ICA1L: variants seen among roughly 807,000 people sequenced by gnomAD.
ICA1L encodes the protein islet cell autoantigen 1-like protein.
ICA1L carries 50 observed loss-of-function variants against 61.3 expected under a neutral mutation model. The observed-to-expected ratio is 0.82, with a 90% CI of 0.65 to 1.03. The LOEUF (loss-of-function observed/expected upper bound fraction) is 1.03. Among genes scored for constraint, ICA1L ranks in the 50% least tolerant of loss-of-function variants. The probability of loss-of-function intolerance (pLI) is 0.00; values close to 1 mark genes in which losing one functional copy is unlikely to be tolerated. For synonymous variants in ICA1L, 161 were observed against 191.3 expected (o/e 0.84, Z 1.31); for missense variants, 508 against 556.7 (o/e 0.91, Z 0.88).
chr2:202,801,883 G>A (rs1360842089), intron 9 of ICA1L, among the ~76,000 whole-genome samples: 1 of 152,206 alleles, frequency 6.6e-6, no homozygotes, highest in Non-Finnish European at 1.5e-5. Flanking sequence ...CTGGGAAGAA[G>A]CAGTATGAAT....
At position 202,779,920 on chromosome 2, in the gene ICA1L, T is replaced by C. The variant is rs535224535; in HGVS notation, c.1334-272A>G. The stretch of plus-strand genomic sequence containing the variant: ...TCAGCCTCCGAGAACACTAGGATTA[T>C]AGGCCTGAACCACTGCTCCTGGTTT... On this transcript the variant is annotated intron_variant, in intron 12 of 12. Coordinates refer to ENST00000358299, the MANE Select transcript of ICA1L (RefSeq NM_001288622.3). 3.5e-4 allele frequency among the ~76,000 whole-genome samples: 53 copies of C among 151,630 alleles called. No homozygotes were observed. In the East Asian group the frequency reaches 1.0e-2, roughly 29 times the overall value.
intron 7 of ICA1L, 36 bp from the exon 8 acceptor site, chr2:202,814,820 T>C (rs775836305): frequency 3.8e-5 from 51 of 1,331,990 alleles, no homozygotes; most frequent in Non-Finnish European, 4.5e-5. Flanking sequence ...GTATATAGAA[T>C]GAATCTGTTT....
chr2:202,816,486 G>A (rs1360229590), intron 6 of ICA1L, among the ~76,000 whole-genome samples: 1 of 152,212 alleles, frequency 6.6e-6, no homozygotes, highest in Non-Finnish European at 1.5e-5. Flanking sequence ...GCCAAAAAAT[G>A]TGTTCTCAAG....
chr2:202,844,505 G>A lies in ICA1L; in HGVS notation c.-7-15489C>T, dbSNP rs549639129. 7 of 152,318 alleles carry A rather than the reference G, an allele frequency of 4.6e-5. No individual in the cohort carries two copies. The East Asian group carries it at 1.2e-3, about 25-fold the overall frequency. The allele number at this position is 152,318 out of a possible 1,614,324, so 9.4% of individuals were successfully genotyped here. On this transcript the variant is annotated intron_variant, in intron 1 of 12. Coordinates refer to ENST00000358299, the MANE Select transcript of ICA1L (RefSeq NM_001288622.3). ...CAAGTTTCTGGATATAGCTTACTGTGAGAGCCAAATAATCTTCATAACCGA... is the reference window on the plus strand; with the variant it reads ...CAAGTTTCTGGATATAGCTTACTGTAAGAGCCAAATAATCTTCATAACCGA...
At position 202,847,695 on chromosome 2, in the gene ICA1L, T is replaced by TTATATATATATATATATATATATATATA. The variant is rs80134434; in HGVS notation, c.-7-18680_-7-18679insTATATATATATATATATATATATATATA. Among the ~76,000 whole-genome samples the TTATATATATATATATATATATATATATA allele has an allele frequency of 9.6e-4, 98 of 102,178 alleles. 2 individuals carry two copies. Among genetic ancestry groups the TTATATATATATATATATATATATATATA allele is most frequent in the African/African-American group, 2.5e-3 (59 of 23,274 alleles). The allele number at this position is 102,178 out of a possible 152,430, so 67.0% of individuals were successfully genotyped here. On this transcript the variant is annotated intron_variant, in intron 1 of 12. Transcript: ENST00000358299. ...CTTAGAATGAAATATTATATGGGAA[T>TTATATATATATATATATATATATATATA]TATATATATATATAGTTAAGCAGTG...
rs112153894 is a variant in ICA1L, at chr2:202,846,653, C to T, written c.-7-17637G>A. Among the ~76,000 whole-genome samples the T allele has an allele frequency of 7.6e-3, 1,162 of 152,246 alleles. 9 individuals carry two copies. Among genetic ancestry groups the T allele is most frequent in the Non-Finnish European group, 0.012 (823 of 68,012 alleles). On this transcript the variant is annotated intron_variant, in intron 1 of 12. Coordinates refer to ENST00000358299, the MANE Select transcript of ICA1L (RefSeq NM_001288622.3). The stretch of plus-strand genomic sequence containing the variant: ...TGTAACAAGACTGTAATGAGAGCTA[C>T]GGAAGTTAGGAACCAGCAAATGTTG...
intron 12 of ICA1L, among the ~76,000 whole-genome samples, chr2:202,785,054 C>G (rs896458788): frequency 2.0e-5 from 3 of 151,584 alleles, no homozygotes; most frequent in Admixed American, 2.0e-4. Flanking sequence ...CCTGTCTCTA[C>G]TAAAAATACA....
In ICA1L at chr2:202,847,102, G is replaced by A. The variant is rs547387090; in HGVS notation, c.-7-18086C>T. On this transcript the variant is annotated intron_variant, in intron 1 of 12. Transcript: ENST00000358299. The stretch of plus-strand genomic sequence containing the variant: ...TGAAGAAGAGAAAGGCAGATTGATG[G>A]TACAGATTGTAGAGACCTGTTTAGC... Among the ~76,000 whole-genome samples the A allele has an allele frequency of 5.9e-5, 9 of 152,282 alleles. No homozygotes were observed. The East Asian group carries it at 1.7e-3, about 29-fold the overall frequency.
intron 9 of ICA1L, among the ~76,000 whole-genome samples, chr2:202,797,837 C>A (rs759855688): frequency 6.6e-6 from 1 of 152,122 alleles, no homozygotes; most frequent in Non-Finnish European, 1.5e-5. Context: ...TAACAATTTT[C>A]AAGAATATAT....
At position 202,785,977 on chromosome 2, in the gene ICA1L, C is replaced by T. The variant is rs781664016; in HGVS notation, c.1274G>A (p.Cys425Tyr). The change falls in exon 12 of 13, where the codon TGT becomes TAT. Residue 425 changes from cysteine (C) to tyrosine (Y), a missense_variant. Cys to Tyr is a radical substitution (Grantham distance 194, BLOSUM62 -2). Transcript: ENST00000358299. The stretch of plus-strand genomic sequence containing the variant: ...TGGCTGGTTATCAGTGTGTGAAAGA[C>T]AAAGTTCTGATTCCTCTTGGGAGAC... ...NWVSQEESEL[C>Y]LSHTDNQPVP... 6.2e-7 allele frequency: 1 copy of T among 1,609,722 alleles called. No homozygotes were observed. The highest frequency in any genetic ancestry group is 8.5e-7 in the Non-Finnish European group (1 of 1,176,878).
chr2:202,789,334 C>T lies in ICA1L; in HGVS notation c.986-247G>A, dbSNP rs78608622. Among the ~76,000 whole-genome samples the T allele has an allele frequency of 1.8e-4, 27 of 152,100 alleles. No homozygotes were observed. The East Asian group carries it at 5.0e-3, about 28-fold the overall frequency. ...GCTATATATGAAATAATTAAGCTAC[C>T]ACCTAAGTCAGAAACCAAAGGAGAT... is the stretch of plus-strand genomic sequence containing the variant. On this transcript the variant is annotated intron_variant, in intron 10 of 12. Coordinates refer to ENST00000358299, the MANE Select transcript of ICA1L (RefSeq NM_001288622.3).
At chr2:202,820,300 G>A (rs546236548) in intron 4 of ICA1L, among the ~76,000 whole-genome samples, 77 of 152,008 alleles carry the variant, frequency 5.1e-4, no homozygotes, top group African/African-American at 1.6e-3. Flanking sequence ...GCTTGAACCC[G>A]GGAGGTGGAG....
At chr2:202,862,004 T>C (rs1374881969) in intron 1 of ICA1L, among the ~76,000 whole-genome samples, 2 of 143,330 alleles carry the variant, frequency 1.4e-5, no homozygotes, top group Non-Finnish European at 3.0e-5. Flanking sequence ...TATACACCAG[T>C]CCACCCACCA....
chr2:202,868,969 A>AAAC lies in ICA1L; in HGVS notation c.-8+2647_-8+2649dup, dbSNP rs371799768. Among the ~76,000 whole-genome samples, 434 of 151,786 alleles carry AAAC rather than the reference A, an allele frequency of 2.9e-3. 1 individual carries two copies. Among genetic ancestry groups the AAAC allele is most frequent in the East Asian group, 8.7e-3 (45 of 5,162 alleles). Reference sequence around the variant, plus strand: ...GGTGACAGAGCAAGACTCTGTCTCAAAACAACAACAACAACAACAACAACA... The same window carrying AAAC: ...GGTGACAGAGCAAGACTCTGTCTCAAAACAACAACAACAACAACAACAACAACA... On this transcript the variant is annotated intron_variant, in intron 1 of 12. Coordinates refer to ENST00000358299, the MANE Select transcript of ICA1L (RefSeq NM_001288622.3).
chr2:202,841,537 C>T, intron 1 of ICA1L: 2 of 721,276 alleles, frequency 2.8e-6, no homozygotes, highest in South Asian at 1.4e-5. Flanking sequence ...GTTCCACCTC[C>T]AGGTTAAGGG....
At chr2:202,792,071 G>T (rs952209874) in intron 10 of ICA1L, among the ~76,000 whole-genome samples, 1 of 152,154 alleles carries the variant, frequency 6.6e-6, no homozygotes, top group South Asian at 2.1e-4. Context: ...AGGAGGCTGA[G>T]GCAGGAGAAC....
chr2:202,810,437 C>G (rs1693341932), intron 9 of ICA1L, among the ~76,000 whole-genome samples: 1 of 152,206 alleles, frequency 6.6e-6, no homozygotes, highest in Non-Finnish European at 1.5e-5. Context: ...ATCACTTCCC[C>G]AGTCAATACC....
At chr2:202,871,528 C>G (rs149846585) in intron 1 of ICA1L, 91 bp downstream of exon 1, 13,553 of 152,236 alleles carry the variant, frequency 0.089, 743 homozygotes, top group Non-Finnish European at 0.12. Context: ...CCCCGCCTCC[C>G]GGCGTCGCCA....
chr2:202,774,027 A>G lies in ICA1L; in HGVS notation c.*5506T>C. On this transcript the variant is annotated 3_prime_UTR_variant, in exon 13 of 13. Coordinates refer to ENST00000358299, the MANE Select transcript of ICA1L (RefSeq NM_001288622.3). Reference sequence around the variant, plus strand: ...GTTTTATTTTTTTAAATTATGAACTAGCGCTGCTCCACTTCTTGCTTCTTT... The same window carrying G: ...GTTTTATTTTTTTAAATTATGAACTGGCGCTGCTCCACTTCTTGCTTCTTT... 1 of 869,218 alleles carries G rather than the reference A, an allele frequency of 1.2e-6. No individual in the cohort carries two copies. Among genetic ancestry groups the G allele is most frequent in the South Asian group, 1.7e-5 (1 of 60,030 alleles). 53.8% of individuals were successfully genotyped at this position (869,218 alleles called of 1,614,324 possible).
Sources: gnomAD v4.1 joint callset for allele counts (sites outside exome capture counted in the v4.1 genomes callset) on GRCh38, gnomAD v4.1.1 for gene constraint, MANE v1.5 for transcripts, NCBI Gene and HGNC (gene_info 2026-07-23, HGNC 2026-07-21) for gene names.